Variants in DISP3 observed in about 807,000 individuals in gnomAD.
DISP3 encodes dispatched RND transporter family member 3, also known as protein dispatched homolog 3.
DISP3 carries 101 observed loss-of-function variants against 135.3 expected under a neutral mutation model. The observed-to-expected ratio is 0.75, with a 90% CI of 0.64 to 0.88. The LOEUF (loss-of-function observed/expected upper bound fraction) is 0.88. Ranked by LOEUF, DISP3 falls within the 40% of genes least tolerant of loss-of-function variation. DISP3 has a pLI of 0.00. For synonymous variants in DISP3, 856 were observed against 817.0 expected, an observed-to-expected ratio of 1.05 and a Z score of -0.81; for missense variants, 1,713 against 1,878.6, an observed-to-expected ratio of 0.91 and a Z score of 1.63.
At chr1:11,517,329 G>A in intron 6 of DISP3, 134 bp from the exon 7 acceptor site, 1 of 1,197,452 alleles carries the variant, frequency 8.4e-7, no homozygotes. Flanking sequence ...CATTCTGGCA[G>A]CCTGGGCCTC....
In DISP3 at chr1:11,536,378, G is replaced by A. The variant is rs780615860; in HGVS notation, c.3871G>A (p.Val1291Met). The change falls in exon 21 of 21, where the codon GTG (valine) becomes ATG (methionine). Residue 1291 changes from valine (V) to methionine (M), a missense_variant. Physicochemically the swap from Val to Met is conservative, Grantham distance 21. Transcript: ENST00000294484. The surrounding 1 kb of genome is among the most constrained non-coding windows in gnomAD (Gnocchi z 4.3). ...RTLEAVRHVG[V>M]AIVSSALTTV... ...GCTGGAGGCCGTGCGGCACGTGGGC[G>A]TGGCCATCGTCTCCAGTGCCCTCAC... is the stretch of plus-strand genomic sequence containing the variant. 36 of 1,609,350 alleles carry A rather than the reference G, an allele frequency of 2.2e-5. No homozygotes were observed. The highest frequency in any genetic ancestry group is 3.3e-5 in the Admixed American group (2 of 60,004).
At position 11,520,694 on chromosome 1, in the gene DISP3, C is replaced by A; in HGVS notation, c.2208C>A (p.Phe736Leu). The A allele has an allele frequency of 6.2e-7, 1 of 1,613,134 alleles. No homozygotes were observed. Among genetic ancestry groups the A allele is most frequent in the South Asian group, 1.1e-5 (1 of 91,036 alleles). The change falls in exon 10 of 21, where the codon TTC becomes TTA. Residue 736 changes from phenylalanine to leucine, a missense_variant. By Grantham distance (22) the Phe-to-Leu change is conservative. Coordinates refer to ENST00000294484, the MANE Select transcript of DISP3 (RefSeq NM_020780.2). The surrounding 1 kb of genome is among the most constrained non-coding windows in gnomAD (Gnocchi z 4.8). Reference protein sequence around the residue: ...VKSRWVIVGLFVSILILSLVF... With the variant: ...VKSRWVIVGLLVSILILSLVF... The stretch of plus-strand genomic sequence containing the variant: ...AGCGCCCTTTCCTCACAGGGCTGTT[C>A]GTCTCCATCCTCATCTTGTCCCTGG...
Position 11,515,484 on chromosome 1 carries a change from C to T in DISP3, c.1569C>T (p.Ala523=). The part of the protein sequence containing the change: ...QYLGILNGVA[A]FVIVGIGVDD... ...TGGGCATCCTGAATGGGGTGGCCGC[C>T]TTCGTGATCGTGGGCATTGGTGAGT... Residue 523 remains alanine (A), a synonymous_variant, in exon 5 of 21, where the codon GCC becomes GCT. Coordinates refer to ENST00000294484, the MANE Select transcript of DISP3 (RefSeq NM_020780.2). 1 of 1,609,424 alleles carries T rather than the reference C, an allele frequency of 6.2e-7. No individual in the cohort carries two copies. The highest frequency in any genetic ancestry group is 8.5e-7 in the Non-Finnish European group (1 of 1,177,678).
At chr1:11,518,137 G>A (rs1170642592) in intron 7 of DISP3, among the ~76,000 whole-genome samples, 2 of 152,194 alleles carry the variant, frequency 1.3e-5, no homozygotes, top group African/African-American at 4.8e-5. Context: ...GATGGAGGTG[G>A]ATGGTGGTGG....
chr1:11,510,910 A>G (rs776716828), intron 3 of DISP3, among the ~76,000 whole-genome samples: 22 of 152,238 alleles, frequency 1.4e-4, no homozygotes, highest in Non-Finnish European at 2.4e-4. Context: ...AGGACTCAGA[A>G]TCATGGCAGG....
At chr1:11,481,782 A>G (rs56051902) in intron 1 of DISP3, 78 of 152,068 alleles carry the variant, frequency 5.1e-4, no homozygotes, top group Middle Eastern at 3.4e-3. Context: ...TGTGATTCTA[A>G]CCCCAAAGAT....
In DISP3 at chr1:11,526,888, C is replaced by T. The variant is rs779922853; in HGVS notation, c.2798+53C>T. 1.5e-5 allele frequency: 23 copies of T among 1,551,936 alleles called. 1 individual carries two copies. The Admixed American group carries it at 2.9e-4, about 20-fold the overall frequency. On this transcript the variant is annotated intron_variant, in intron 13 of 20. Transcript: ENST00000294484. Reference sequence around the variant, plus strand: ...GCCCATCAGCCCGGCTGCTTCTTTGCCCTTTTCTCTCTTTTCTCTCTCTTT... The same window carrying T: ...GCCCATCAGCCCGGCTGCTTCTTTGTCCTTTTCTCTCTTTTCTCTCTCTTT...
In DISP3 at chr1:11,536,167, C is replaced by T. The variant is rs111282410; in HGVS notation, c.3817-157C>T. Among the ~76,000 whole-genome samples the T allele has an allele frequency of 2.8e-3, 425 of 152,300 alleles. 1 individual carries two copies. The highest frequency in any genetic ancestry group is 8.9e-3 in the African/African-American group (371 of 41,570). ...GTCCTGTTGCCATAGCAACACCTAC[C>T]TGGTTCCTACCCTCCCAACCCTGGG... On this transcript the variant is annotated intron_variant, in intron 20 of 20. Transcript: ENST00000294484. The surrounding 1 kb of genome is among the most constrained non-coding windows in gnomAD (Gnocchi z 4.3).
At chr1:11,486,661 A>G (rs1641043636) in intron 1 of DISP3, among the ~76,000 whole-genome samples, 1 of 152,136 alleles carries the variant, frequency 6.6e-6, no homozygotes, top group East Asian at 1.9e-4. Context: ...AAGGAGTTGA[A>G]GACATCACTA....
chr1:11,535,269 T>C (rs1642678803), intron 19 of DISP3, 145 bp downstream of exon 19: 2 of 1,029,444 alleles, frequency 1.9e-6, no homozygotes, highest in African/African-American at 3.2e-5. Context: ...CTCCTGCATG[T>C]CTGTGCTCCT....
At chr1:11,490,301 CTT>C (rs1036590876) in intron 1 of DISP3, among the ~76,000 whole-genome samples, 3 of 152,124 alleles carry the variant, frequency 2.0e-5, no homozygotes, top group Non-Finnish European at 4.4e-5. Context: ...ATGTTTCGCT[CTT>C]GTTGCCCAGG....
chr1:11,494,270 C>T (rs112328220), intron 1 of DISP3, among the ~76,000 whole-genome samples: 6 of 152,330 alleles, frequency 3.9e-5, no homozygotes, highest in East Asian at 1.9e-4. Flanking sequence ...AGTACTGGCA[C>T]GTGGTAGATG....
At chr1:11,494,408 C>T (rs778074024) in intron 1 of DISP3, among the ~76,000 whole-genome samples, 1 of 152,184 alleles carries the variant, frequency 6.6e-6, no homozygotes, top group African/African-American at 2.4e-5. Flanking sequence ...ACCACATCTC[C>T]AGTGCCTCTC....
intron 10 of DISP3, among the ~76,000 whole-genome samples, chr1:11,522,311 C>T (rs1169723314): frequency 6.6e-6 from 1 of 152,122 alleles, no homozygotes; most frequent in Admixed American, 6.5e-5. Flanking sequence ...TCAACCTGGC[C>T]TTCCCCTTGG....
In DISP3 at chr1:11,517,443, C is replaced by T. The variant is rs1642044212; in HGVS notation, c.1750-20C>T. 1.2e-6 allele frequency: 2 copies of T among 1,613,290 alleles called. No homozygotes were observed. The highest frequency in any genetic ancestry group is 2.2e-5 in the East Asian group (1 of 44,862). ...CAGGTCCAACCTGTCCCACATCCCTCTCTTCCTTTCCATCACCAGATCCCA... is the reference window on the plus strand; with the variant it reads ...CAGGTCCAACCTGTCCCACATCCCTTTCTTCCTTTCCATCACCAGATCCCA... On this transcript the variant is annotated intron_variant, in intron 6 of 20. Coordinates refer to ENST00000294484, the MANE Select transcript of DISP3 (RefSeq NM_020780.2).
chr1:11,501,476 G>A lies in DISP3; in HGVS notation c.484G>A (p.Gly162Ser), dbSNP rs939106048. ...ISEQLQQLHL[G>S]NRSRQASRAP... ...AGAGCAGCTGCAGCAGCTGCATCTC[G>A]GCAACCGCTCGCGGCAAGCCTCCCG... The change falls in exon 2 of 21, where the codon GGC (glycine) becomes AGC (serine). Residue 162 changes from glycine to serine, a missense_variant. Around this residue, in one of 2 missense-constraint regions of DISP3, gnomAD observed 571 missense variants for 494.1 expected, o/e 1.16. Transcript: ENST00000294484. The surrounding 1 kb of genome is among the most constrained non-coding windows in gnomAD (Gnocchi z 4.9). 10 of 1,605,476 alleles carry A rather than the reference G, an allele frequency of 6.2e-6. No homozygotes were observed. Among genetic ancestry groups the A allele is most frequent in the Non-Finnish European group, 7.7e-6 (9 of 1,176,178 alleles).
Position 11,483,316 on chromosome 1 carries a change from A to C in DISP3, c.-4+3944A>C, listed in dbSNP as rs546960338. Among the ~76,000 whole-genome samples, 1 of 152,368 alleles carries C rather than the reference A, an allele frequency of 6.6e-6. No homozygotes were observed. The highest frequency in any genetic ancestry group is 2.4e-5 in the African/African-American group (1 of 41,590). On this transcript the variant is annotated intron_variant, in intron 1 of 20. Transcript: ENST00000294484. The surrounding 1 kb of genome is among the most constrained non-coding windows in gnomAD (Gnocchi z 5.4). Reference sequence around the variant, plus strand: ...CTTATGATGGGAGGCTGGTGATAACAATACCAACCAATCATAGCTGCCATG... The same window carrying C: ...CTTATGATGGGAGGCTGGTGATAACCATACCAACCAATCATAGCTGCCATG...
In DISP3 at chr1:11,536,633, G is replaced by C; in HGVS notation, c.4126G>C (p.Val1376Leu). 6.2e-7 allele frequency: 1 copy of C among 1,604,314 alleles called. No homozygotes were observed. Among genetic ancestry groups the C allele is most frequent in the Non-Finnish European group, 8.5e-7 (1 of 1,176,730 alleles). The change falls in exon 21 of 21, where the codon GTG (valine) becomes CTG (leucine). Residue 1376 changes from valine (V) to leucine (L), a missense_variant. By Grantham distance (32) the Val-to-Leu change is conservative (BLOSUM62 1). Around this residue, in one of 2 missense-constraint regions of DISP3, gnomAD observed 1,142 missense variants for 1,384.6 expected, o/e 0.82. Transcript: ENST00000294484. This position sits in a 1 kb window ranked among gnomAD's most constrained non-coding sequence, Gnocchi z 4.3. ...AGALGLGACL[V>L]LLQSGYKIPL... is the part of the protein sequence containing the mutation. The stretch of plus-strand genomic sequence containing the variant: ...GGCCCTGGGGCTGGGTGCCTGCCTC[G>C]TGCTCCTGCAGAGCGGCTATAAGAT...
chr1:11,534,515 G>A lies in DISP3; in HGVS notation c.3510G>A (p.Trp1170Ter). 2 of 1,610,950 alleles carry A rather than the reference G, an allele frequency of 1.2e-6. No individual in the cohort carries two copies. The highest frequency in any genetic ancestry group is 8.5e-7 in the Non-Finnish European group (1 of 1,177,764). ...LRRGFQTCEH[W>*]KQIFMEIVGV... ...GGGGCTTCCAGACCTGCGAGCACTG[G>A]AAGCAGATATTCATGGAAATCGTAG... Residue 1170 changes from tryptophan (W) to a stop codon, truncating the protein, a stop_gained, in exon 18 of 21, where the codon TGG becomes TGA. Transcript: ENST00000294484. LOFTEE classifies it high-confidence loss of function.
Sources: allele counts gnomAD v4.1 joint callset (sites outside exome capture counted in the v4.1 genomes callset), GRCh38; gene constraint gnomAD v4.1.1; regional missense constraint gnomAD v4.1.1; non-coding constraint Gnocchi (gnomAD v3.1); transcripts MANE v1.5; gene names NCBI Gene and HGNC (gene_info 2026-07-23, HGNC 2026-07-21).